The following FAM78B variants were observed in gnomAD, a reference collection of about 807,000 sequenced individuals.
FAM78B encodes the protein family with sequence similarity 78 member B.
A neutral mutation model predicts 20.0 loss-of-function variants in FAM78B; 10 were observed. That is an observed-to-expected ratio of 0.50 (90% CI 0.31 to 0.85). The LOEUF (loss-of-function observed/expected upper bound fraction) is 0.85. Among genes scored for constraint, FAM78B ranks in the 40% least tolerant of loss-of-function variants. The probability of loss-of-function intolerance (pLI) is 0.05; values close to 1 mark genes in which losing one functional copy is unlikely to be tolerated. For synonymous variants in FAM78B, 135 were observed against 132.8 expected (o/e 1.02, Z -0.12); for missense variants, 283 against 345.0 (o/e 0.82, Z 1.42).
At chr1:166,075,395 A>T (rs1197144088) in intron 1 of FAM78B, among the ~76,000 whole-genome samples, 1 of 152,166 alleles carries the variant, frequency 6.6e-6, no homozygotes, top group African/African-American at 2.4e-5. Context: ...AACAAAAAGA[A>T]TCACTCAGAA....
intron 1 of FAM78B, among the ~76,000 whole-genome samples, chr1:166,109,890 G>GTATATATGTATATATATATA (rs1557903394): frequency 1.3e-4 from 3 of 23,196 alleles, no homozygotes; most frequent in Non-Finnish European, 2.3e-4. Flanking sequence ...ATGTATATAT[G>GTATATATGTATATATATATA]TATATATATA....
intron 1 of FAM78B, among the ~76,000 whole-genome samples, chr1:166,129,969 TC>T (rs1196454094): frequency 2.6e-5 from 4 of 152,232 alleles, no homozygotes; most frequent in Non-Finnish European, 1.5e-5. Context: ...TCTCATCTAA[TC>T]CTATGTGCTT....
intron 1 of FAM78B, among the ~76,000 whole-genome samples, chr1:166,083,588 T>C (rs1220948929): frequency 1.3e-5 from 2 of 152,190 alleles, no homozygotes; most frequent in African/African-American, 4.8e-5. Context: ...CACTGCAACC[T>C]CTGCCTCTTG....
rs186778800 is a variant in FAM78B, at chr1:166,135,489, C to A, written c.263+30497G>T. Among the ~76,000 whole-genome samples the A allele has an allele frequency of 1.5e-3, 235 of 152,286 alleles. 1 individual carries two copies. Among genetic ancestry groups the A allele is most frequent in the African/African-American group, 5.3e-3 (221 of 41,564 alleles). ...TCCACATCAGGATTTACAATGAAAG[C>A]GTGTATCATGTATTGCTCCTTGTCT... On this transcript the variant is annotated intron_variant, in intron 1 of 1. Transcript: ENST00000354422.
At chr1:166,072,437 CAG>C (rs1652087162) in intron 1 of FAM78B, among the ~76,000 whole-genome samples, 1 of 152,202 alleles carries the variant, frequency 6.6e-6, no homozygotes, top group Non-Finnish European at 1.5e-5. Context: ...TGCAGAAAGT[CAG>C]AGAGAGCTCA....
chr1:166,126,549 T>A (rs887364567), intron 1 of FAM78B, among the ~76,000 whole-genome samples: 1 of 151,860 alleles, frequency 6.6e-6, no homozygotes, highest in African/African-American at 2.4e-5. Flanking sequence ...GAGTTGGCCA[T>A]CTGGGGGAGG....
chr1:166,094,776 G>A (rs1241563150), intron 1 of FAM78B, among the ~76,000 whole-genome samples: 2 of 152,314 alleles, frequency 1.3e-5, no homozygotes, highest in Non-Finnish European at 1.5e-5. Context: ...GTTAAGACAT[G>A]CCGGGAGGGA....
chr1:166,157,465 T>C (rs1025408395), intron 1 of FAM78B, among the ~76,000 whole-genome samples: 1 of 151,696 alleles, frequency 6.6e-6, no homozygotes, highest in Non-Finnish European at 1.5e-5. Context: ...ACTGGAACCC[T>C]GCGCTGGGGA....
chr1:166,119,214 G>A (rs1353295410), intron 1 of FAM78B, among the ~76,000 whole-genome samples: 1 of 152,138 alleles, frequency 6.6e-6, no homozygotes, highest in East Asian at 1.9e-4. Context: ...CAACTGTCTC[G>A]AGTTCAACTT....
At chr1:166,087,091 A>T (rs1258518588) in intron 1 of FAM78B, 3 of 150,154 alleles carry the variant, frequency 2.0e-5, no homozygotes, top group Admixed American at 6.6e-5. Flanking sequence ...TTTTAGATGG[A>T]GTTTCACTCT....
At chr1:166,148,587 A>G (rs1474911166) in intron 1 of FAM78B, among the ~76,000 whole-genome samples, 1 of 152,248 alleles carries the variant, frequency 6.6e-6, no homozygotes. Context: ...GTGATGAATC[A>G]ATGATGAAAA....
chr1:166,157,139 G>A (rs1655937041), intron 1 of FAM78B, among the ~76,000 whole-genome samples: 1 of 151,356 alleles, frequency 6.6e-6, no homozygotes, highest in African/African-American at 2.4e-5. Context: ...ATCTTTGAGT[G>A]GGTTTGTAGG....
chr1:166,129,955 A>G (rs765459036), intron 1 of FAM78B, among the ~76,000 whole-genome samples: 1 of 152,114 alleles, frequency 6.6e-6, no homozygotes. Context: ...ATCTCTTGCT[A>G]CCTTCTCATC....
In FAM78B at chr1:166,146,275, G is replaced by A. The variant is rs1655451484; in HGVS notation, c.263+19711C>T. Among the ~76,000 whole-genome samples the A allele has an allele frequency of 2.0e-5, 3 of 152,136 alleles. No individual in the cohort carries two copies. In the South Asian group the frequency reaches 6.2e-4, roughly 31 times the overall value. Reference sequence around the variant, plus strand: ...CCAATTTCTATTTTCTTCACTCAGGGTTTTACGGCATCTGGGATCACAAGG... The same window carrying A: ...CCAATTTCTATTTTCTTCACTCAGGATTTTACGGCATCTGGGATCACAAGG... On this transcript the variant is annotated intron_variant, in intron 1 of 1. Transcript: ENST00000354422.
downstream of FAM78B, among the ~76,000 whole-genome samples, chr1:166,067,295 G>T (rs1214518916): frequency 6.6e-6 from 1 of 152,012 alleles, no homozygotes; most frequent in Non-Finnish European, 1.5e-5. Context: ...AATTCCTTCG[G>T]GATCATGGAC....
At chr1:166,102,448 G>A (rs1433182651) in intron 1 of FAM78B, among the ~76,000 whole-genome samples, 12 of 152,162 alleles carry the variant, frequency 7.9e-5, no homozygotes, top group Admixed American at 2.0e-4. Flanking sequence ...TCAGTGTGCT[G>A]TATTCAGGAA....
chr1:166,164,261 T>C (rs1277427408), intron 1 of FAM78B, among the ~76,000 whole-genome samples: 2 of 152,244 alleles, frequency 1.3e-5, no homozygotes, highest in Non-Finnish European at 2.9e-5. Flanking sequence ...GGGGAGCACT[T>C]GCTGTCCTCC....
At chr1:166,104,431 A>C (rs1275317382) in intron 1 of FAM78B, among the ~76,000 whole-genome samples, 2 of 152,222 alleles carry the variant, frequency 1.3e-5, no homozygotes, top group Non-Finnish European at 2.9e-5. Flanking sequence ...TTTGCAGGTG[A>C]CATGATTGTA....
chr1:166,114,215 A>C (rs1654173800), intron 1 of FAM78B, among the ~76,000 whole-genome samples: 1 of 152,206 alleles, frequency 6.6e-6, no homozygotes, highest in South Asian at 2.1e-4. Flanking sequence ...TGCATGATCC[A>C]ACTAAATTCT....
Sources: allele counts gnomAD v4.1 joint callset (sites outside exome capture counted in the v4.1 genomes callset), GRCh38; gene constraint gnomAD v4.1.1; transcripts MANE v1.5; gene names NCBI Gene and HGNC (gene_info 2026-07-23, HGNC 2026-07-21).